CDH12: variants seen among roughly 807,000 people sequenced by gnomAD.
The protein encoded by CDH12 is cadherin-12.
A neutral mutation model predicts 74.1 loss-of-function variants in CDH12; 41 were observed. The ratio of observed to expected loss-of-function variants is 0.55; its 90% CI spans 0.43 to 0.72. The LOEUF is 0.72. Ranked by LOEUF, CDH12 falls within the 30% of genes least tolerant of loss-of-function variation. CDH12 has a pLI of 0.00. For missense variants in CDH12, 945 were observed against 977.2 expected (o/e 0.97, Z 0.44); for synonymous variants, 399 against 355.0 (o/e 1.12, Z -1.39).
At chr5:22,211,608 T>C (rs1374075152) in intron 4 of CDH12, among the ~76,000 whole-genome samples, 9 of 151,872 alleles carry the variant, frequency 5.9e-5, no homozygotes, top group Non-Finnish European at 1.0e-4. Flanking sequence ...TACAATACCT[T>C]TCTAGATATT....
chr5:22,772,468 G>A (rs201255769), intron 1 of CDH12, among the ~76,000 whole-genome samples: 7 of 151,860 alleles, frequency 4.6e-5, no homozygotes, highest in African/African-American at 1.7e-4. Flanking sequence ...ACCAAATAAG[G>A]GAAGCAATGT....
chr5:21,802,234 T>G lies in CDH12; in HGVS notation c.1189A>C (p.Thr397Pro). Residue 397 changes from threonine to proline, a missense_variant, in exon 10 of 15, where the codon ACT (threonine) becomes CCT (proline). Thr to Pro is a conservative substitution (Grantham distance 38). This residue lies in a region of CDH12 where 791 missense variants were observed against 792.8 expected (regional missense o/e 1.00). Coordinates refer to ENST00000382254, the MANE Select transcript of CDH12 (RefSeq NM_004061.5). ...PLYTMEVYED[T>P]PVGTIIGAVT... ...GCGCCAATGATGGTCCCTACCGGAG[T>G]GTCTTCATAAACCTCCATGGTGTAG... 1 of 1,613,798 alleles carries G rather than the reference T, an allele frequency of 6.2e-7. No individual in the cohort carries two copies. The highest frequency in any genetic ancestry group is 8.5e-7 in the Non-Finnish European group (1 of 1,179,902).
intron 3 of CDH12, among the ~76,000 whole-genome samples, chr5:22,366,607 T>C (rs1741041160): frequency 6.6e-6 from 1 of 152,204 alleles, no homozygotes. Flanking sequence ...ATGAATCAGT[T>C]CTGACTTTTG....
At chr5:21,808,421 T>C (rs1449188195) in intron 9 of CDH12, among the ~76,000 whole-genome samples, 1 of 151,906 alleles carries the variant, frequency 6.6e-6, no homozygotes. Context: ...GGAAAATATA[T>C]CCTTGAGTGA....
chr5:22,053,355 T>C (rs956932981), intron 5 of CDH12, among the ~76,000 whole-genome samples: 7 of 152,156 alleles, frequency 4.6e-5, no homozygotes, highest in African/African-American at 1.2e-4. Context: ...GGATGAATAA[T>C]GTGTGTGACA....
At chr5:22,599,488 T>C (rs1243833873) in intron 1 of CDH12, among the ~76,000 whole-genome samples, 3 of 152,178 alleles carry the variant, frequency 2.0e-5, no homozygotes, top group Non-Finnish European at 4.4e-5. Context: ...AGTAAAAATA[T>C]ATCCTCCCTT....
intron 5 of CDH12, among the ~76,000 whole-genome samples, chr5:22,002,476 A>C (rs1736662234): frequency 6.6e-6 from 1 of 152,236 alleles, no homozygotes; most frequent in East Asian, 1.9e-4. Context: ...TATGAGATAC[A>C]TTTAAAAAAT....
chr5:22,114,135 C>T (rs897331924), intron 4 of CDH12, among the ~76,000 whole-genome samples: 2 of 152,066 alleles, frequency 1.3e-5, no homozygotes, highest in Admixed American at 1.3e-4. Flanking sequence ...CTTTTTGTTA[C>T]GCTGCCTTAC....
intron 4 of CDH12, among the ~76,000 whole-genome samples, chr5:22,180,130 C>T (rs1011750194): frequency 1.3e-5 from 2 of 152,182 alleles, no homozygotes; most frequent in Non-Finnish European, 2.9e-5. Flanking sequence ...ATAACATCTA[C>T]TGCAAACATG....
chr5:22,743,355 T>G (rs1183972890), intron 1 of CDH12, among the ~76,000 whole-genome samples: 1 of 150,952 alleles, frequency 6.6e-6, no homozygotes, highest in African/African-American at 2.4e-5. Context: ...TCTGGAGAAC[T>G]CTGATGAATG....
chr5:22,668,320 G>A (rs1000097314), intron 1 of CDH12, among the ~76,000 whole-genome samples: 1 of 152,062 alleles, frequency 6.6e-6, no homozygotes, highest in Admixed American at 6.6e-5. Flanking sequence ...TAACAAAAAA[G>A]CACATGTGCA....
At chr5:21,764,737 C>T (rs1744920612) in intron 12 of CDH12, among the ~76,000 whole-genome samples, 2 of 151,784 alleles carry the variant, frequency 1.3e-5, no homozygotes, top group African/African-American at 2.4e-5. Flanking sequence ...AAGTGTAGAC[C>T]TTTAATTATA....
chr5:22,558,714 A>C (rs1220647913), intron 1 of CDH12, among the ~76,000 whole-genome samples: 1 of 152,102 alleles, frequency 6.6e-6, no homozygotes, highest in Admixed American at 6.6e-5. Context: ...TCTCCAATGA[A>C]TATACTGAGA....
intron 5 of CDH12, among the ~76,000 whole-genome samples, chr5:22,028,576 G>A (rs1254191521): frequency 1.3e-5 from 2 of 152,182 alleles, no homozygotes; most frequent in East Asian, 3.9e-4. Context: ...ACCTCTTCAA[G>A]GAGAACTACA....
intron 4 of CDH12, among the ~76,000 whole-genome samples, chr5:22,198,161 C>G (rs866870898): frequency 2.0e-5 from 3 of 152,168 alleles, no homozygotes; most frequent in African/African-American, 4.8e-5. Flanking sequence ...GTGAATGTCT[C>G]TATGTAATTA....
chr5:22,227,850 G>A (rs1026157606), intron 3 of CDH12, among the ~76,000 whole-genome samples: 2 of 152,160 alleles, frequency 1.3e-5, no homozygotes, highest in Middle Eastern at 3.4e-3. Context: ...ATTCCAATGT[G>A]GCGACATGGC....
intron 5 of CDH12, among the ~76,000 whole-genome samples, chr5:21,997,894 T>C (rs1198863695): frequency 2.6e-5 from 4 of 152,138 alleles, no homozygotes; most frequent in African/African-American, 9.7e-5. Flanking sequence ...CCTCACAATA[T>C]TGTTTTCCAA....
At chr5:22,114,962 C>T (rs1235006343) in intron 4 of CDH12, among the ~76,000 whole-genome samples, 2 of 152,164 alleles carry the variant, frequency 1.3e-5, no homozygotes, top group African/African-American at 4.8e-5. Context: ...TTGTTCATTG[C>T]AGCAACTGCA....
chr5:21,946,085 C>G (rs1755565973), intron 6 of CDH12, among the ~76,000 whole-genome samples: 1 of 151,790 alleles, frequency 6.6e-6, no homozygotes, highest in African/African-American at 2.4e-5. Context: ...CATCTGAAAC[C>G]ATGAAGGTTG....
Sources: gnomAD v4.1 joint callset for allele counts (sites outside exome capture counted in the v4.1 genomes callset) on GRCh38, gnomAD v4.1.1 for gene constraint, gnomAD v4.1.1 regional missense constraint, MANE v1.5 for transcripts, NCBI Gene and HGNC (gene_info 2026-07-23, HGNC 2026-07-21) for gene names.